CNTN5: variants seen among roughly 807,000 people sequenced by gnomAD.
The protein encoded by CNTN5 is contactin-5.
Under a neutral mutation model 129.1 loss-of-function variants are expected in CNTN5, and 77 were observed. The ratio of observed to expected loss-of-function variants is 0.60; its 90% CI spans 0.50 to 0.72. The LOEUF (loss-of-function observed/expected upper bound fraction) is 0.72, where lower values mean the gene tolerates loss of function less well. Ranked by LOEUF, CNTN5 falls within the 30% of genes least tolerant of loss-of-function variation. CNTN5 has a pLI of 0.00. For synonymous variants in CNTN5, 509 were observed against 465.6 expected (o/e 1.09, Z -1.20); for missense variants, 1,478 against 1,328.8 (o/e 1.11, Z -1.75).
At chr11:100,151,332 C>T (rs1186903077) in intron 13 of CNTN5, among the ~76,000 whole-genome samples, 1 of 152,020 alleles carries the variant, frequency 6.6e-6, no homozygotes, top group African/African-American at 2.4e-5. Context: ...GTCCTAGGTA[C>T]TGGGAAACAG....
intron 2 of CNTN5, among the ~76,000 whole-genome samples, chr11:99,365,230 A>G (rs570573754): frequency 2.5e-4 from 38 of 152,310 alleles, no homozygotes; most frequent in Admixed American, 1.6e-3. Flanking sequence ...TGAGTATGAT[A>G]ACAATACATT....
intron 9 of CNTN5, among the ~76,000 whole-genome samples, chr11:100,019,803 C>T (rs957898276): frequency 1.4e-4 from 21 of 151,824 alleles, no homozygotes; most frequent in African/African-American, 5.1e-4. Context: ...ACATGTCCAC[C>T]ACCAATTTAT....
chr11:99,110,582 T>G (rs1464400928), intron 1 of CNTN5, among the ~76,000 whole-genome samples: 1 of 152,128 alleles, frequency 6.6e-6, no homozygotes, highest in African/African-American at 2.4e-5. Flanking sequence ...TAATTTAGGA[T>G]TTGAGATTAT....
At chr11:99,335,876 A>T (rs1866199810) in intron 2 of CNTN5, among the ~76,000 whole-genome samples, 1 of 152,120 alleles carries the variant, frequency 6.6e-6, no homozygotes, top group Non-Finnish European at 1.5e-5. Context: ...GTACAGGAAC[A>T]GTCCTCTATG....
At chr11:99,728,565 G>A (rs1943428694) in intron 3 of CNTN5, among the ~76,000 whole-genome samples, 2 of 152,178 alleles carry the variant, frequency 1.3e-5, no homozygotes, top group Non-Finnish European at 2.9e-5. Flanking sequence ...TGCTGTCAAA[G>A]GTATTGCTTT....
At chr11:99,617,257 C>G (rs1950790641) in intron 3 of CNTN5, among the ~76,000 whole-genome samples, 1 of 152,148 alleles carries the variant, frequency 6.6e-6, no homozygotes, top group Non-Finnish European at 1.5e-5. Context: ...CAGTTCAGAT[C>G]TGCATTTCTG....
intron 1 of CNTN5, among the ~76,000 whole-genome samples, chr11:99,282,520 G>C (rs1451102505): frequency 1.3e-5 from 2 of 152,034 alleles, no homozygotes; most frequent in Non-Finnish European, 2.9e-5. Context: ...ACTGGTTAGA[G>C]AGAAGTAAAG....
At chr11:99,238,571 T>C (rs2135749706) in intron 1 of CNTN5, among the ~76,000 whole-genome samples, 1 of 152,282 alleles carries the variant, frequency 6.6e-6, no homozygotes, top group Middle Eastern at 3.4e-3. Context: ...TCATACAGTT[T>C]GGAAGCATTA....
chr11:99,504,874 G>A (rs1222421404), intron 2 of CNTN5, among the ~76,000 whole-genome samples: 1 of 152,134 alleles, frequency 6.6e-6, no homozygotes, highest in Non-Finnish European at 1.5e-5. Context: ...AACTTCTTGA[G>A]TGCAGAAACC....
chr11:100,078,876 A>G (rs928724480), intron 13 of CNTN5, among the ~76,000 whole-genome samples: 1 of 152,032 alleles, frequency 6.6e-6, no homozygotes, highest in African/African-American at 2.4e-5. Flanking sequence ...CTACTCCTAT[A>G]AAGTACTGCC....
intron 9 of CNTN5, among the ~76,000 whole-genome samples, chr11:100,050,366 A>G (rs951011758): frequency 6.6e-6 from 1 of 152,156 alleles, no homozygotes; most frequent in Non-Finnish European, 1.5e-5. Flanking sequence ...TCAATAAACT[A>G]TCACAAGAAC....
chr11:99,447,033 C>G (rs1181935187), intron 2 of CNTN5, among the ~76,000 whole-genome samples: 1 of 152,134 alleles, frequency 6.6e-6, no homozygotes, highest in Non-Finnish European at 1.5e-5. Context: ...TGTTCATAGT[C>G]TATTTTCTGG....
intron 6 of CNTN5, among the ~76,000 whole-genome samples, chr11:99,904,701 C>T (rs1949450382): frequency 6.6e-6 from 1 of 152,036 alleles, no homozygotes; most frequent in Non-Finnish European, 1.5e-5. Flanking sequence ...GTTCTAGATC[C>T]CTCAGGAATT....
chr11:99,296,197 T>G (rs1299634968), intron 1 of CNTN5, among the ~76,000 whole-genome samples: 1 of 152,172 alleles, frequency 6.6e-6, no homozygotes, highest in Non-Finnish European at 1.5e-5. Flanking sequence ...TGTCATCTTT[T>G]TCTGGGGAGA....
At chr11:99,446,899 C>G (rs1298480286) in intron 2 of CNTN5, among the ~76,000 whole-genome samples, 1 of 152,188 alleles carries the variant, frequency 6.6e-6, no homozygotes, top group Non-Finnish European at 1.5e-5. Context: ...CTTTCAAAGA[C>G]TGGTTTATTC....
At chr11:99,937,837 A>G (rs1342331434) in intron 7 of CNTN5, among the ~76,000 whole-genome samples, 2 of 152,208 alleles carry the variant, frequency 1.3e-5, no homozygotes, top group Non-Finnish European at 2.9e-5. Context: ...CCTGAGGTTT[A>G]ACTGATAGAA....
Position 99,840,637 on chromosome 11 carries a change from A to G in CNTN5, c.278-4215A>G, listed in dbSNP as rs895801868. ...TTGTTAATAAGAGATCTGATAGAGG[A>G]AAAAAACACAGAAAACCATTGCTTT... On this transcript the variant is annotated intron_variant, in intron 4 of 24. Coordinates refer to ENST00000524871, the MANE Select transcript of CNTN5 (RefSeq NM_014361.4). Among the ~76,000 whole-genome samples the G allele has an allele frequency of 1.3e-5, 2 of 152,098 alleles. 1 individual carries two copies. Among genetic ancestry groups the G allele is most frequent in the Non-Finnish European group, 2.9e-5 (2 of 67,976 alleles).
intron 16 of CNTN5, among the ~76,000 whole-genome samples, chr11:100,227,452 T>G (rs1340320378): frequency 6.6e-6 from 1 of 152,168 alleles, no homozygotes; most frequent in African/African-American, 2.4e-5. Flanking sequence ...CTTTAAGGAC[T>G]ATTTTTTCCT....
chr11:99,628,856 T>C (rs1007215898), intron 3 of CNTN5, among the ~76,000 whole-genome samples: 1 of 152,034 alleles, frequency 6.6e-6, no homozygotes, highest in East Asian at 1.9e-4. Context: ...CAAAGTTGTT[T>C]ACAAACCTCA....
Sources: gnomAD v4.1 joint callset for allele counts (sites outside exome capture counted in the v4.1 genomes callset) on GRCh38, gnomAD v4.1.1 for gene constraint, MANE v1.5 for transcripts, NCBI Gene and HGNC (gene_info 2026-07-23, HGNC 2026-07-21) for gene names.